Variants in SORCS1 observed in about 807,000 individuals in gnomAD.
The protein encoded by SORCS1 is VPS10 domain-containing receptor SorCS1.
SORCS1 carries 60 observed loss-of-function variants against 146.1 expected under a neutral mutation model. That is an observed-to-expected ratio of 0.41 (90% CI 0.33 to 0.51). The LOEUF (loss-of-function observed/expected upper bound fraction) is 0.51. Among genes scored for constraint, SORCS1 ranks in the 20% least tolerant of loss-of-function variants. The pLI, the probability that SORCS1 is intolerant of heterozygous loss-of-function variation, is 0.21. For synonymous variants in SORCS1, 637 were observed against 584.0 expected, an observed-to-expected ratio of 1.09 and a Z score of -1.31; for missense variants, 1,352 against 1,487.6, an observed-to-expected ratio of 0.91 and a Z score of 1.50.
chr10:106,734,448 T>C (rs1463455409), intron 5 of SORCS1, among the ~76,000 whole-genome samples: 1 of 152,208 alleles, frequency 6.6e-6, no homozygotes, highest in Non-Finnish European at 1.5e-5. Context: ...AATTAGGCCA[T>C]GTTATAATTG....
intron 2 of SORCS1, among the ~76,000 whole-genome samples, chr10:106,906,348 A>G (rs1367514430): frequency 6.6e-6 from 1 of 152,204 alleles, no homozygotes; most frequent in Non-Finnish European, 1.5e-5. Context: ...TCCTGACCTC[A>G]GGTGATCTGC....
chr10:106,645,736 AAAT>A lies in SORCS1; in HGVS notation c.2475+6643_2475+6645del, dbSNP rs1294923924. The stretch of plus-strand genomic sequence containing the variant: ...AAATTATGTTTATTTTGCATAATAA[AAAT>A]AATAAAAAACATAACAAAATAATTT... On this transcript the variant is annotated intron_variant, in intron 18 of 25. Coordinates refer to ENST00000263054, the MANE Select transcript of SORCS1 (RefSeq NM_052918.5). Among the ~76,000 whole-genome samples the A allele has an allele frequency of 4.6e-5, 7 of 152,202 alleles. No homozygotes were observed. In the South Asian group the frequency reaches 6.2e-4, roughly 14 times the overall value.
At chr10:106,709,086 T>C (rs578184669) in intron 7 of SORCS1, 137 bp downstream of exon 7, 4 of 625,360 alleles carry the variant, frequency 6.4e-6, no homozygotes, top group South Asian at 5.7e-5. Flanking sequence ...ATAGTGATTT[T>C]CCCCTCTCTC....
chr10:106,686,969 C>T (rs756569722), intron 10 of SORCS1, among the ~76,000 whole-genome samples: 4 of 152,204 alleles, frequency 2.6e-5, no homozygotes, highest in African/African-American at 9.7e-5. Flanking sequence ...ACACAACCCC[C>T]TCCCCTACAA....
At chr10:107,053,223 T>C (rs1284510083) in intron 1 of SORCS1, among the ~76,000 whole-genome samples, 1 of 152,216 alleles carries the variant, frequency 6.6e-6, no homozygotes, top group Non-Finnish European at 1.5e-5. Context: ...AGAGTACTGA[T>C]GCATTAGTCT....
intron 1 of SORCS1, among the ~76,000 whole-genome samples, chr10:107,049,609 C>G (rs1186531119): frequency 2.0e-5 from 3 of 151,986 alleles, no homozygotes; most frequent in African/African-American, 7.2e-5. Flanking sequence ...AAAACTTTCC[C>G]TTTTGTTTTT....
intron 7 of SORCS1, among the ~76,000 whole-genome samples, chr10:106,708,268 G>GTGTA (rs1854680724): frequency 6.7e-6 from 1 of 149,894 alleles, no homozygotes; most frequent in South Asian, 2.1e-4. Flanking sequence ...GTGTGTGTGT[G>GTGTA]TATGTGTGTG....
At chr10:107,161,812 CT>C (rs1969728161) in intron 1 of SORCS1, among the ~76,000 whole-genome samples, 1 of 152,172 alleles carries the variant, frequency 6.6e-6, no homozygotes, top group South Asian at 2.1e-4. Context: ...GACTATTTCT[CT>C]TTCTCCACTA....
intron 1 of SORCS1, among the ~76,000 whole-genome samples, chr10:107,104,772 T>G (rs757438875): frequency 2.0e-5 from 3 of 152,166 alleles, no homozygotes; most frequent in Non-Finnish European, 2.9e-5. Context: ...TATGTCTAGA[T>G]CCACACGTAC....
Position 106,652,512 on chromosome 10 carries a change from C to T in SORCS1, c.2345G>A (p.Arg782Lys). The change falls in exon 18 of 26, where the codon AGG becomes AAG. Residue 782 changes from arginine to lysine, a missense_variant. Around this residue, in one of 3 missense-constraint regions of SORCS1, gnomAD observed 648 missense variants for 793.8 expected, o/e 0.82. Coordinates refer to ENST00000263054, the MANE Select transcript of SORCS1 (RefSeq NM_052918.5). ...CTGCGGTTTGGCAGTGTACTGTTCC[C>T]TTACGCCATCAGTGCAATTATTGGA... is the stretch of plus-strand genomic sequence containing the variant. Reference protein sequence around the residue: ...VVSNNCTDGVREQYTAKPQKC... With the variant: ...VVSNNCTDGVKEQYTAKPQKC... 6.2e-7 allele frequency: 1 copy of T among 1,614,056 alleles called. No individual in the cohort carries two copies. The highest frequency in any genetic ancestry group is 8.5e-7 in the Non-Finnish European group (1 of 1,179,930).
chr10:106,600,719 G>A, intron 23 of SORCS1: 1 of 985,374 alleles, frequency 1.0e-6, no homozygotes, highest in East Asian at 1.1e-4. Flanking sequence ...AAGGAACATG[G>A]AGCTTAAAGG....
At chr10:106,769,616 T>C (rs1859852323) in intron 4 of SORCS1, among the ~76,000 whole-genome samples, 1 of 152,048 alleles carries the variant, frequency 6.6e-6, no homozygotes, top group African/African-American at 2.4e-5. Flanking sequence ...GCAGGACTGG[T>C]AGAGAGAGAA....
intron 6 of SORCS1, among the ~76,000 whole-genome samples, chr10:106,726,271 C>G (rs1409224376): frequency 1.1e-5 from 1 of 92,550 alleles, no homozygotes; most frequent in Non-Finnish European, 2.0e-5. Flanking sequence ...TTTTTTTTTC[C>G]TGTTTTGTTT....
chr10:106,937,098 G>T (rs1033205044), intron 2 of SORCS1, among the ~76,000 whole-genome samples: 1 of 152,096 alleles, frequency 6.6e-6, no homozygotes, highest in South Asian at 2.1e-4. Flanking sequence ...GGACTCATTG[G>T]GAGGTAACTG....
At chr10:106,905,026 C>T (rs1200157872) in intron 2 of SORCS1, among the ~76,000 whole-genome samples, 1 of 151,848 alleles carries the variant, frequency 6.6e-6, no homozygotes, top group Non-Finnish European at 1.5e-5. Flanking sequence ...TAGATGAATA[C>T]ATGTTTAACT....
chr10:107,140,653 T>G (rs912622851), intron 1 of SORCS1, among the ~76,000 whole-genome samples: 14 of 152,190 alleles, frequency 9.2e-5, no homozygotes, highest in Admixed American at 9.2e-4. Flanking sequence ...GTATATATAT[T>G]CTTGTATATA....
At chr10:106,941,811 A>T (rs2138757344) in intron 2 of SORCS1, among the ~76,000 whole-genome samples, 1 of 152,386 alleles carries the variant, frequency 6.6e-6, no homozygotes, top group African/African-American at 2.4e-5. Context: ...TCAGCCTAAT[A>T]TCTGAGCGAC....
intron 18 of SORCS1, among the ~76,000 whole-genome samples, chr10:106,641,508 G>A (rs1056426054): frequency 2.0e-5 from 3 of 152,086 alleles, no homozygotes; most frequent in Admixed American, 2.0e-4. Flanking sequence ...GTCTAGGAAA[G>A]GATTAAGGAA....
chr10:107,085,278 C>T (rs1289037209), intron 1 of SORCS1, among the ~76,000 whole-genome samples: 7 of 152,132 alleles, frequency 4.6e-5, no homozygotes, highest in East Asian at 3.9e-4. Flanking sequence ...ATTCGTCCTC[C>T]GGTAATACCA....
Sources: gnomAD v4.1 joint callset for allele counts (sites outside exome capture counted in the v4.1 genomes callset) on GRCh38, gnomAD v4.1.1 for gene constraint, gnomAD v4.1.1 regional missense constraint, MANE v1.5 for transcripts, NCBI Gene and HGNC (gene_info 2026-07-23, HGNC 2026-07-21) for gene names.